Variants in NDUFS4 observed in about 807,000 individuals in gnomAD.
NDUFS4 encodes the protein NADH dehydrogenase [ubiquinone] iron-sulfur protein 4, mitochondrial.
Under a neutral mutation model 24.3 loss-of-function variants are expected in NDUFS4, and 28 were observed. The ratio of observed to expected loss-of-function variants is 1.15; its 90% CI spans 0.85 to 1.58. The LOEUF is 1.58. Among genes scored for constraint, NDUFS4 ranks in the 40% most tolerant of loss-of-function variants. NDUFS4 has a pLI of 0.00. For missense variants in NDUFS4, 223 were observed against 207.9 expected (o/e 1.07, Z -0.45); for synonymous variants, 93 against 69.7 (o/e 1.34, Z -1.67).
chr5:53,575,381 C>G (rs1749349333), intron 1 of NDUFS4, among the ~76,000 whole-genome samples: 2 of 152,026 alleles, frequency 1.3e-5, no homozygotes, highest in Admixed American at 6.6e-5. Flanking sequence ...ATACAGGGTA[C>G]AGTGTGCTTG....
chr5:53,591,582 T>A (rs938985836), intron 1 of NDUFS4, among the ~76,000 whole-genome samples: 2 of 152,074 alleles, frequency 1.3e-5, no homozygotes, highest in Admixed American at 1.3e-4. Flanking sequence ...TCAGCTCATT[T>A]GGGTAAATAC....
At chr5:53,566,817 C>T (rs1032616467) in intron 1 of NDUFS4, among the ~76,000 whole-genome samples, 2 of 150,268 alleles carry the variant, frequency 1.3e-5, no homozygotes, top group Non-Finnish European at 3.0e-5. Flanking sequence ...ATGATAAGTA[C>T]AGATGCAGTT....
chr5:53,677,375 G>T (rs1200286323), intron 4 of NDUFS4, among the ~76,000 whole-genome samples: 1 of 151,978 alleles, frequency 6.6e-6, no homozygotes, highest in Non-Finnish European at 1.5e-5. Flanking sequence ...CACCTTATTT[G>T]CTTGTTTAAA....
intron 2 of NDUFS4, among the ~76,000 whole-genome samples, chr5:53,613,805 ACT>A: frequency 6.6e-6 from 1 of 152,000 alleles, no homozygotes. Context: ...CTTTTTTAGT[ACT>A]GTCATGTGTG....
In NDUFS4 at chr5:53,617,243, C is replaced by T. The variant is rs73754271; in HGVS notation, c.177+13713C>T. ...TCTGTCTTCATCTTAACTTTGACTGCACTTCCTCTTGTTCTGCCTCTCCTT... is the reference window on the plus strand; with the variant it reads ...TCTGTCTTCATCTTAACTTTGACTGTACTTCCTCTTGTTCTGCCTCTCCTT... On this transcript the variant is annotated intron_variant, in intron 2 of 4. Coordinates refer to ENST00000296684, the MANE Select transcript of NDUFS4 (RefSeq NM_002495.4). Among the ~76,000 whole-genome samples the T allele has an allele frequency of 5.2e-3, 785 of 152,238 alleles. 7 individuals carry two copies. The highest frequency in any genetic ancestry group is 0.018 in the African/African-American group (749 of 41,536).
At chr5:53,643,981 T>C (rs1751773252) in intron 2 of NDUFS4, among the ~76,000 whole-genome samples, 1 of 152,152 alleles carries the variant, frequency 6.6e-6, no homozygotes, top group Non-Finnish European at 1.5e-5. Flanking sequence ...GAGTTCAAAA[T>C]ATAAATAGCT....
At chr5:53,653,477 A>C (rs1397477764) in intron 3 of NDUFS4, among the ~76,000 whole-genome samples, 1 of 152,160 alleles carries the variant, frequency 6.6e-6, no homozygotes, top group African/African-American at 2.4e-5. Context: ...CAGTTTTTTT[A>C]ATTGAATTTA....
intron 1 of NDUFS4, among the ~76,000 whole-genome samples, chr5:53,567,254 T>A (rs1749057912): frequency 6.6e-6 from 1 of 152,182 alleles, no homozygotes; most frequent in Non-Finnish European, 1.5e-5. Context: ...ATATGTTCAC[T>A]TTTGCAGTGA....
At chr5:53,643,311 A>G (rs1751755308) in intron 2 of NDUFS4, among the ~76,000 whole-genome samples, 2 of 152,148 alleles carry the variant, frequency 1.3e-5, no homozygotes, top group African/African-American at 4.8e-5. Context: ...TAGCTTTTCT[A>G]AATAGGTTTC....
At chr5:53,649,399 C>T (rs1289631729) in intron 3 of NDUFS4, among the ~76,000 whole-genome samples, 1 of 152,132 alleles carries the variant, frequency 6.6e-6, no homozygotes, top group African/African-American at 2.4e-5. Flanking sequence ...TTTATTGTTT[C>T]CATCTTTACG....
intron 1 of NDUFS4, among the ~76,000 whole-genome samples, chr5:53,585,061 C>A (rs1317455705): frequency 6.6e-6 from 1 of 152,022 alleles, no homozygotes; most frequent in Admixed American, 6.6e-5. Flanking sequence ...TAGTGCCTGA[C>A]CAAAAATGTT....
chr5:53,640,567 AAG>A (rs910878667), intron 2 of NDUFS4, among the ~76,000 whole-genome samples: 5 of 152,048 alleles, frequency 3.3e-5, no homozygotes, highest in Non-Finnish European at 7.4e-5. Context: ...TAGAGGAGGC[AAG>A]AGAGAGAGAA....
chr5:53,639,807 T>G (rs71619972), intron 2 of NDUFS4, among the ~76,000 whole-genome samples: 193 of 152,312 alleles, frequency 1.3e-3, no homozygotes, highest in Middle Eastern at 3.4e-3. Context: ...TTTCTTTTGA[T>G]AACAGTTACC....
intron 1 of NDUFS4, among the ~76,000 whole-genome samples, chr5:53,602,586 A>G (rs1482469756): frequency 6.6e-6 from 1 of 152,182 alleles, no homozygotes; most frequent in Non-Finnish European, 1.5e-5. Context: ...ATTGGTTATT[A>G]TGTTGCATTA....
chr5:53,574,085 A>G (rs998693693), intron 1 of NDUFS4, among the ~76,000 whole-genome samples: 1 of 152,184 alleles, frequency 6.6e-6, no homozygotes, highest in African/African-American at 2.4e-5. Context: ...TTCCTTTCCA[A>G]TCACTAGGTC....
intron 4 of NDUFS4, among the ~76,000 whole-genome samples, chr5:53,667,193 C>T (rs903526491): frequency 3.3e-5 from 5 of 151,038 alleles, no homozygotes; most frequent in East Asian, 2.0e-4. Context: ...AGGCCAGGCG[C>T]GGTGGCTCAC....
intron 2 of NDUFS4, among the ~76,000 whole-genome samples, chr5:53,634,511 C>T (rs891525480): frequency 1.2e-4 from 18 of 151,898 alleles, no homozygotes; most frequent in Non-Finnish European, 2.5e-4. Context: ...AATTTATTAC[C>T]AGGAGATGAA....
At chr5:53,590,712 G>T (rs1394152884) in intron 1 of NDUFS4, among the ~76,000 whole-genome samples, 1 of 152,030 alleles carries the variant, frequency 6.6e-6, no homozygotes, top group Non-Finnish European at 1.5e-5. Flanking sequence ...GTCTTTATTG[G>T]TGTTGTAAAC....
At chr5:53,675,340 T>C (rs1740429054) in intron 4 of NDUFS4, among the ~76,000 whole-genome samples, 1 of 151,868 alleles carries the variant, frequency 6.6e-6, no homozygotes, top group Admixed American at 6.6e-5. Context: ...TTTTTTGTAT[T>C]TTTAGTAGAG....
Sources: gnomAD v4.1 joint callset for allele counts (sites outside exome capture counted in the v4.1 genomes callset) on GRCh38, gnomAD v4.1.1 for gene constraint, MANE v1.5 for transcripts, NCBI Gene and HGNC (gene_info 2026-07-23, HGNC 2026-07-21) for gene names.